The following FAM161B variants were observed in gnomAD, a reference collection of about 807,000 sequenced individuals.
FAM161B encodes FAM161 centrosomal protein B.
Under a neutral mutation model 61.5 loss-of-function variants are expected in FAM161B, and 46 were observed. That is an observed-to-expected ratio of 0.75 (90% CI 0.59 to 0.96). FAM161B has a LOEUF of 0.96. Among genes scored for constraint, FAM161B ranks in the 40% least tolerant of loss-of-function variants. The pLI, the probability that FAM161B is intolerant of heterozygous loss-of-function variation, is 0.00. For missense variants in FAM161B, 774 were observed against 800.7 expected, an observed-to-expected ratio of 0.97 and a Z score of 0.40; for synonymous variants, 284 against 302.7, an observed-to-expected ratio of 0.94 and a Z score of 0.64.
the FAM161B span, among the ~76,000 whole-genome samples, chr14:73,926,087 C>T: frequency 9.2e-5 from 14 of 152,162 alleles, no homozygotes; most frequent in African/African-American, 3.4e-4. Flanking sequence ...CTCTTTCCTC[C>T]TTTTGTTGTT....
At chr14:73,940,468 C>T (rs1432787049) in intron 5 of FAM161B, among the ~76,000 whole-genome samples, 1 of 152,120 alleles carries the variant, frequency 6.6e-6, no homozygotes, top group Non-Finnish European at 1.5e-5. Flanking sequence ...TGTCTGGAAC[C>T]TTCCTTCTCT....
At chr14:73,924,831 C>G in the FAM161B span, 1 of 335,874 alleles carries the variant, frequency 3.0e-6, no homozygotes, top group Non-Finnish European at 5.7e-6. Flanking sequence ...TGCGTGCCAC[C>G]ACGCCCAGCT....
intron 8 of FAM161B, among the ~76,000 whole-genome samples, chr14:73,934,803 C>CT (rs760079490): frequency 6.6e-6 from 1 of 152,110 alleles, no homozygotes; most frequent in Non-Finnish European, 1.5e-5. Flanking sequence ...TCTCCCAGCA[C>CT]TTTGGGAGGC....
chr14:73,935,641 T>C (rs1043750758), intron 8 of FAM161B, among the ~76,000 whole-genome samples: 1 of 151,894 alleles, frequency 6.6e-6, no homozygotes, highest in East Asian at 1.9e-4. Context: ...GAAGTCAAAA[T>C]ATACATGATT....
At chr14:73,937,867 A>G in intron 6 of FAM161B, 81 bp downstream of exon 6, 7 of 1,589,820 alleles carry the variant, frequency 4.4e-6, no homozygotes, top group South Asian at 2.3e-5. Context: ...CGATAACTCT[A>G]TTTTGCATTT....
chr14:73,929,609 G>A (rs557561747), downstream of FAM161B, among the ~76,000 whole-genome samples: 1 of 151,958 alleles, frequency 6.6e-6, no homozygotes, highest in Non-Finnish European at 1.5e-5. Context: ...GGCTGGGGTG[G>A]GAGGATCAAT....
chr14:73,930,971 T>C (rs57309686), downstream of FAM161B, among the ~76,000 whole-genome samples: 3 of 152,186 alleles, frequency 2.0e-5, no homozygotes, highest in Admixed American at 2.0e-4. Context: ...GAGCCTTGTG[T>C]ATAGAGTAGA....
the FAM161B span, chr14:73,923,585 G>T: frequency 6.4e-7 from 1 of 1,553,866 alleles, no homozygotes; most frequent in African/African-American, 1.4e-5. Flanking sequence ...TGAGAATTTA[G>T]AGGACCTGAA....
At chr14:73,937,576 G>C (rs1439838387) in intron 7 of FAM161B, 26 bp downstream of exon 7, 1 of 1,591,112 alleles carries the variant, frequency 6.3e-7, no homozygotes, top group Non-Finnish European at 8.6e-7. Flanking sequence ...AAGGCAGAAA[G>C]AAAACAAATG....
downstream of FAM161B, among the ~76,000 whole-genome samples, chr14:73,926,653 C>G (rs2055837992): frequency 6.6e-6 from 1 of 151,846 alleles, no homozygotes; most frequent in Non-Finnish European, 1.5e-5. Context: ...CAGGCTGGTC[C>G]CAAACTCCTG....
downstream of FAM161B, among the ~76,000 whole-genome samples, chr14:73,931,277 T>G (rs567292209): frequency 6.6e-6 from 1 of 152,178 alleles, no homozygotes; most frequent in Non-Finnish European, 1.5e-5. Flanking sequence ...CTCAGAATAT[T>G]TGATTGCCAG....
In FAM161B at chr14:73,942,333, C is replaced by A. The variant is rs2056026129; in HGVS notation, c.1272+36G>T. On this transcript the variant is annotated intron_variant, in intron 4 of 8. Transcript: ENST00000286544. ...TGGCCCCACCCTGTATTTCAGGCCG[C>A]AGCCCTGACCCTCCCACAGCTGCCT... is the stretch of plus-strand genomic sequence containing the variant. The A allele has an allele frequency of 3.8e-6, 6 of 1,591,006 alleles. No individual in the cohort carries two copies. In the East Asian group the frequency reaches 1.3e-4, roughly 36 times the overall value.
chr14:73,950,079 T>G lies in FAM161B; in HGVS notation c.-53A>C, dbSNP rs190881382. On this transcript the variant is annotated 5_prime_UTR_variant, in exon 1 of 9. Coordinates refer to ENST00000286544, the MANE Select transcript of FAM161B (RefSeq NM_152445.3). ...GTGACAGCGATAGTGGCAGCAGCGG[T>G]GGCAGCGAGAGCTATGCGGGGCCAG... The G allele has an allele frequency of 4.6e-3, 7,392 of 1,606,566 alleles. 294 individuals carry two copies. In the African/African-American group the frequency reaches 0.087, roughly 19 times the overall value.
chr14:73,931,402 A>T, downstream of FAM161B: 1 of 982,460 alleles, frequency 1.0e-6, no homozygotes, highest in Non-Finnish European at 1.6e-6. Context: ...TCACCCCTGT[A>T]GTGCATTCTC....
rs367814820 is a variant in FAM161B at position 73,944,713 on chromosome 14, G to A, written c.547C>T (p.Arg183Trp). ...RPFRMTLREA[R>W]KKAEWLGSPA... ...GAGCCCAGCCACTCGGCCTTCTTCC[G>A]GGCCTCGCGCAGCGTCATGCGGAAT... The change falls in exon 3 of 9, where the codon CGG (arginine) becomes TGG (tryptophan). Residue 183 changes from arginine (R) to tryptophan (W), a missense_variant. By Grantham distance (101) the Arg-to-Trp change is moderately radical (BLOSUM62 -3). Coordinates refer to ENST00000286544, the MANE Select transcript of FAM161B (RefSeq NM_152445.3). 1.8e-5 allele frequency: 29 copies of A among 1,604,804 alleles called. No homozygotes were observed. Among genetic ancestry groups the A allele is most frequent in the Admixed American group, 1.0e-4 (6 of 59,614 alleles).
chr14:73,938,460 AAATAAT>A (rs1041670252), intron 5 of FAM161B, among the ~76,000 whole-genome samples: 2 of 151,398 alleles, frequency 1.3e-5, no homozygotes, highest in Admixed American at 1.3e-4. Context: ...TCCGTCTCAA[AAATAAT>A]AATAATAATA....
chr14:73,937,692 G>T lies in FAM161B; in HGVS notation c.1575C>A (p.Asp525Glu). The T allele has an allele frequency of 6.2e-7, 1 of 1,613,468 alleles. No individual in the cohort carries two copies. The highest frequency in any genetic ancestry group is 2.2e-5 in the East Asian group (1 of 44,874). ...KAKLKENRNN[D>E]RKRAKEYKKE... The stretch of plus-strand genomic sequence containing the variant: ...TCTTATATTCTTTCGCTCTTTTACG[G>T]TCATTGTTCCTGGAATTAGCAAGAC... The change falls in exon 7 of 9, where the codon GAC becomes GAA. Residue 525 changes from aspartate (D) to glutamate (E), a missense_variant. Transcript: ENST00000286544.
intron 3 of FAM161B, among the ~76,000 whole-genome samples, chr14:73,943,339 G>T (rs1458080268): frequency 6.6e-6 from 1 of 152,136 alleles, no homozygotes; most frequent in Non-Finnish European, 1.5e-5. Flanking sequence ...TGCCCTCTCA[G>T]ATTATCTATA....
At chr14:73,946,202 T>C in intron 2 of FAM161B, 84 bp downstream of exon 2, 1 of 1,408,008 alleles carries the variant, frequency 7.1e-7, no homozygotes, top group South Asian at 1.4e-5. Context: ...CTCTTTGCTT[T>C]ACAGAGGAAG....
Sources: gnomAD v4.1 joint callset for allele counts (sites outside exome capture counted in the v4.1 genomes callset) on GRCh38, gnomAD v4.1.1 for gene constraint, MANE v1.5 for transcripts, NCBI Gene and HGNC (gene_info 2026-07-23, HGNC 2026-07-21) for gene names.